ABTB3: variants seen among roughly 807,000 people sequenced by gnomAD.
The protein encoded by ABTB3 is ankyrin repeat- and BTB/POZ domain-containing protein 3.
the ABTB3 span, among the ~76,000 whole-genome samples, chr12:107,404,162 CAAAAAAAA>C: frequency 7.5e-5 from 3 of 40,256 alleles, no homozygotes; most frequent in Admixed American, 6.8e-4. Context: ...GACTCTAACT[CAAAAAAAA>C]AAAAAAAAAA....
At chr12:107,556,810 A>T in the ABTB3 span, among the ~76,000 whole-genome samples, 1 of 152,078 alleles carries the variant, frequency 6.6e-6, no homozygotes, top group African/African-American at 2.4e-5. Context: ...CAGGAGTTCG[A>T]GACCAGTCTG....
the ABTB3 span, chr12:107,618,393 C>T: frequency 6.2e-7 from 1 of 1,600,606 alleles, no homozygotes; most frequent in Non-Finnish European, 8.5e-7. Flanking sequence ...GTCTGGGCAC[C>T]CTCCACCACG....
At chr12:107,617,192 G>A in the ABTB3 span, 7 of 1,613,962 alleles carry the variant, frequency 4.3e-6, no homozygotes, top group African/African-American at 2.7e-5. Context: ...GGTAAGAGCT[G>A]CTGGTTCTCA....
the ABTB3 span, among the ~76,000 whole-genome samples, chr12:107,622,389 A>G: frequency 6.6e-6 from 1 of 152,218 alleles, no homozygotes; most frequent in Non-Finnish European, 1.5e-5. Flanking sequence ...CTCCTGTCGG[A>G]CAATAGGGCA....
chr12:107,484,004 T>C, the ABTB3 span, among the ~76,000 whole-genome samples: 15 of 152,308 alleles, frequency 9.8e-5, no homozygotes, highest in African/African-American at 2.9e-4. Flanking sequence ...GCTGTTTATT[T>C]TTAATCCATT....
At chr12:107,380,320 G>A in the ABTB3 span, among the ~76,000 whole-genome samples, 2 of 152,168 alleles carry the variant, frequency 1.3e-5, no homozygotes, top group Admixed American at 1.3e-4. Flanking sequence ...GGGACGGAGT[G>A]CCTTTGTTTC....
At chr12:107,348,540 T>C in the ABTB3 span, among the ~76,000 whole-genome samples, 4 of 152,090 alleles carry the variant, frequency 2.6e-5, no homozygotes, top group Non-Finnish European at 5.9e-5. Context: ...CTGGGCAACA[T>C]AGTGAGACCC....
chr12:107,624,819 T>TA, the ABTB3 span, among the ~76,000 whole-genome samples: 1 of 152,208 alleles, frequency 6.6e-6, no homozygotes, highest in Non-Finnish European at 1.5e-5. Flanking sequence ...TTTGTGTGAA[T>TA]AGATCTTCAT....
chr12:107,568,305 A>G, the ABTB3 span, among the ~76,000 whole-genome samples: 5 of 152,210 alleles, frequency 3.3e-5, no homozygotes, highest in African/African-American at 1.2e-4. Flanking sequence ...TAGGCACTCA[A>G]GAAATGATGG....
At chr12:107,636,208 A>G in the ABTB3 span, among the ~76,000 whole-genome samples, 2 of 152,100 alleles carry the variant, frequency 1.3e-5, no homozygotes, top group Admixed American at 1.3e-4. Context: ...AAACCTTTCC[A>G]TCAGGCACTA....
chr12:107,327,427 T>C, the ABTB3 span, among the ~76,000 whole-genome samples: 1 of 152,242 alleles, frequency 6.6e-6, no homozygotes, highest in South Asian at 2.1e-4. Flanking sequence ...TAGACATAGT[T>C]GTCTGTTTTT....
the ABTB3 span, among the ~76,000 whole-genome samples, chr12:107,637,411 T>A: frequency 0.13 from 19,189 of 151,270 alleles, 1,664 homozygotes; most frequent in African/African-American, 0.25. Flanking sequence ...AAAAAAAAAA[T>A]GTTTTTAAGT....
the ABTB3 span, chr12:107,658,661 C>G: frequency 2.0e-5 from 3 of 152,574 alleles, no homozygotes; most frequent in African/African-American, 7.2e-5. Flanking sequence ...TTTGGTGAAA[C>G]CAACATATCC....
At chr12:107,432,915 C>T in the ABTB3 span, among the ~76,000 whole-genome samples, 1 of 152,196 alleles carries the variant, frequency 6.6e-6, no homozygotes, top group Non-Finnish European at 1.5e-5. Context: ...GCTTCCTTCT[C>T]CACAGCCCAC....
chr12:107,363,990 A>G, the ABTB3 span, among the ~76,000 whole-genome samples: 4 of 152,230 alleles, frequency 2.6e-5, no homozygotes, highest in Non-Finnish European at 4.4e-5. Flanking sequence ...GGTTAACAAC[A>G]GCACCCCTGT....
At chr12:107,482,904 C>CTTCT in the ABTB3 span, among the ~76,000 whole-genome samples, 127 of 134,760 alleles carry the variant, frequency 9.4e-4, 2 homozygotes, top group Non-Finnish European at 1.5e-3. Flanking sequence ...CTCTCTCTCT[C>CTTCT]TCTTTCTTCT....
the ABTB3 span, among the ~76,000 whole-genome samples, chr12:107,361,735 C>A: frequency 1.6e-4 from 25 of 152,272 alleles, no homozygotes; most frequent in African/African-American, 5.5e-4. Flanking sequence ...GGAAATGCTG[C>A]TTGTATTACT....
the ABTB3 span, among the ~76,000 whole-genome samples, chr12:107,397,503 G>A: frequency 6.6e-6 from 1 of 152,140 alleles, no homozygotes; most frequent in African/African-American, 2.4e-5. Flanking sequence ...GTGTGTTCCT[G>A]ATAGATTTTT....
the ABTB3 span, among the ~76,000 whole-genome samples, chr12:107,571,318 G>A: frequency 6.6e-6 from 1 of 152,244 alleles, no homozygotes; most frequent in South Asian, 2.1e-4. Flanking sequence ...GCTAGCAAAT[G>A]ATGAAGCCTG....
Sources: allele counts gnomAD v4.1 joint callset (sites outside exome capture counted in the v4.1 genomes callset), GRCh38; gene constraint gnomAD v4.1.1; transcripts MANE v1.5; gene names NCBI Gene and HGNC (gene_info 2026-07-23, HGNC 2026-07-21).